The following FBRSL1 variants were observed in gnomAD, a reference collection of about 807,000 sequenced individuals.
The protein encoded by FBRSL1 is fibrosin like 1, also known as fibrosin-1-like protein.
A neutral mutation model predicts 89.6 loss-of-function variants in FBRSL1; 51 were observed. The ratio of observed to expected loss-of-function variants is 0.57; its 90% CI spans 0.45 to 0.72. The LOEUF (loss-of-function observed/expected upper bound fraction) is 0.72. Among genes scored for constraint, FBRSL1 ranks in the 30% least tolerant of loss-of-function variants. The pLI is 0.00. For synonymous variants in FBRSL1, 779 were observed against 681.1 expected (o/e 1.14, Z -2.24); for missense variants, 1,618 against 1,451.8 (o/e 1.11, Z -1.86).
At chr12:132,493,593 C>T (rs1185111814) in intron 1 of FBRSL1, among the ~76,000 whole-genome samples, 1 of 152,232 alleles carries the variant, frequency 6.6e-6, no homozygotes, top group Non-Finnish European at 1.5e-5. Flanking sequence ...GCACCCCTTG[C>T]CCTGTGCCCG....
At chr12:132,512,429 G>A (rs549287761) in intron 2 of FBRSL1, among the ~76,000 whole-genome samples, 2 of 152,354 alleles carry the variant, frequency 1.3e-5, no homozygotes, top group East Asian at 1.9e-4. Context: ...TGGCTGCAGC[G>A]CCCTGGCTGA....
intron 6 of FBRSL1, 117 bp downstream of exon 6, chr12:132,567,643 T>C: frequency 9.1e-7 from 1 of 1,095,180 alleles, no homozygotes; most frequent in Non-Finnish European, 1.3e-6. Context: ...GCACCTGGGG[T>C]GCAGAGCTGG....
chr12:132,500,162 G>A lies in FBRSL1; in HGVS notation c.292-7991G>A, dbSNP rs568539948. 2.6e-5 allele frequency among the ~76,000 whole-genome samples: 4 copies of A among 152,290 alleles called. 1 individual carries two copies. In the South Asian group the frequency reaches 8.3e-4, roughly 32 times the overall value. On this transcript the variant is annotated intron_variant, in intron 1 of 18. Transcript: ENST00000680143. ...AAGCGTCTGGGGCTGGGAGCCGCAC[G>A]CCGTGACCCTGCCCCACTGAGGCCA...
At chr12:132,510,116 C>T in intron 2 of FBRSL1, 2 of 1,225,666 alleles carry the variant, frequency 1.6e-6, no homozygotes, top group Non-Finnish European at 2.0e-6. Context: ...CGGAGCAGCC[C>T]TGCCCACCCA....
intron 2 of FBRSL1, among the ~76,000 whole-genome samples, chr12:132,514,568 C>T (rs1000288568): frequency 2.0e-5 from 3 of 152,182 alleles, no homozygotes; most frequent in Admixed American, 6.5e-5. Flanking sequence ...ACAGGCCCGG[C>T]CACGGTGCAA....
intron 4 of FBRSL1, among the ~76,000 whole-genome samples, chr12:132,536,583 TGTGA>T (rs1593390362): frequency 6.6e-6 from 1 of 151,834 alleles, no homozygotes; most frequent in South Asian, 2.1e-4. Flanking sequence ...CATCACAGTG[TGTGA>T]GTGCACGTGT....
At position 132,510,130 on chromosome 12, in the gene FBRSL1, G is replaced by A. The variant is rs913818234; in HGVS notation, c.489+1780G>A. 14 of 1,224,472 alleles carry A rather than the reference G, an allele frequency of 1.1e-5. No homozygotes were observed. In the East Asian group the frequency reaches 1.9e-4, roughly 17 times the overall value. The allele number at this position is 1,224,472 out of a possible 1,614,324, so 75.9% of individuals were successfully genotyped here. ...CCGGAGCAGCCCTGCCCACCCAAGC[G>A]GCCGCTCATGGGCCCAGAGCAGCCC... is the stretch of plus-strand genomic sequence containing the variant. On this transcript the variant is annotated intron_variant, in intron 2 of 18. Coordinates refer to ENST00000680143, the MANE Select transcript of FBRSL1 (RefSeq NM_001367871.1).
At chr12:132,490,952 G>C in intron 1 of FBRSL1, 91 bp downstream of exon 1, 1 of 999,810 alleles carries the variant, frequency 1.0e-6, no homozygotes, top group South Asian at 3.6e-5. Flanking sequence ...CTGGGCTTGC[G>C]ACCGCCCGCG....
At chr12:132,557,915 C>G (rs779871867) in intron 5 of FBRSL1, among the ~76,000 whole-genome samples, 2 of 152,164 alleles carry the variant, frequency 1.3e-5, no homozygotes, top group Non-Finnish European at 2.9e-5. Flanking sequence ...CCATCTGTGC[C>G]GAGTCCCCAG....
chr12:132,498,347 G>T (rs967780418), intron 1 of FBRSL1, among the ~76,000 whole-genome samples: 1 of 152,218 alleles, frequency 6.6e-6, no homozygotes, highest in Admixed American at 6.5e-5. Context: ...CCCTTGCAGA[G>T]GCGCCGCAGC....
Position 132,508,335 on chromosome 12 carries a change from G to T in FBRSL1, c.474G>T (p.Leu158=). ...PACDGARKVP[L]QPSKQMKVTV... ...GCGATGGGGCGAGAAAGGTCCCACT[G>T]CAGCCCTCCAAGCAGGTGAGCAGGT... The change falls in exon 2 of 19, where the codon CTG becomes CTT. Residue 158 remains leucine (L), a synonymous_variant. Coordinates refer to ENST00000680143, the MANE Select transcript of FBRSL1 (RefSeq NM_001367871.1). 1 of 1,533,134 alleles carries T rather than the reference G, an allele frequency of 6.5e-7. No individual in the cohort carries two copies. The highest frequency in any genetic ancestry group is 8.8e-7 in the Non-Finnish European group (1 of 1,139,536). The allele number at this position is 1,533,134 out of a possible 1,614,324, so 95.0% of individuals were successfully genotyped here.
rs2040960929 is a variant in FBRSL1 at position 132,583,742 on chromosome 12, C to G, written c.2973C>G (p.Ser991=). ...GGCCGGGCGAGGCGCGCGACTACTC[C>G]CCGTCCCGAAATCCCCCGGAGGTGG... The part of the protein sequence containing the change: ...GLGPGEARDY[S]PSRNPPEVEA... The change falls in exon 19 of 19, where the codon TCC becomes TCG. Residue 991 remains serine, a synonymous_variant. Transcript: ENST00000680143. The G allele has an allele frequency of 8.2e-7, 1 of 1,217,108 alleles. No individual in the cohort carries two copies. Among genetic ancestry groups the G allele is most frequent in the African/African-American group, 1.6e-5 (1 of 63,732 alleles). 75.4% of individuals were successfully genotyped at this position (1,217,108 alleles called of 1,614,324 possible).
Position 132,570,155 on chromosome 12 carries a change from C to G in FBRSL1, c.921C>G (p.Arg307=). 2.7e-6 allele frequency: 4 copies of G among 1,491,666 alleles called. No homozygotes were observed. Among genetic ancestry groups the G allele is most frequent in the Non-Finnish European group, 3.5e-6 (4 of 1,129,736 alleles). The allele number at this position is 1,491,666 out of a possible 1,614,324, so 92.4% of individuals were successfully genotyped here. A position where few individuals can be genotyped will look rare whatever the true frequency, so the allele number is the denominator to read the frequency against. ...HTPQPPPPQP[R]GLLPTHVPAS... is the part of the protein sequence containing the mutation. ...CGCAGCCGCCACCCCCGCAGCCCCGCGGCCTGCTCCCGACACACGTGCCTG... is the reference window on the plus strand; with the variant it reads ...CGCAGCCGCCACCCCCGCAGCCCCGGGGCCTGCTCCCGACACACGTGCCTG... Residue 307 remains arginine, a synonymous_variant, in exon 7 of 19, where the codon CGC becomes CGG. Transcript: ENST00000680143.
chr12:132,574,665 G>GAACA, intron 14 of FBRSL1, 101 bp downstream of exon 14: 2 of 1,384,692 alleles, frequency 1.4e-6, no homozygotes, highest in Non-Finnish European at 1.9e-6. Flanking sequence ...ACACGCGTGT[G>GAACA]CACGGGTGTG....
intron 2 of FBRSL1, among the ~76,000 whole-genome samples, chr12:132,516,853 C>T (rs550076357): frequency 6.6e-6 from 1 of 152,344 alleles, no homozygotes. Context: ...CTCAGTTTTC[C>T]TGTCTGTAAA....
At chr12:132,552,675 A>T (rs1342819596) in intron 5 of FBRSL1, 1 of 135,392 alleles carries the variant, frequency 7.4e-6, no homozygotes, top group Non-Finnish European at 1.5e-5. Context: ...TCCATGGGGC[A>T]CTCACCCCGT....
chr12:132,559,602 A>G (rs759731648), intron 5 of FBRSL1, among the ~76,000 whole-genome samples: 2 of 151,582 alleles, frequency 1.3e-5, no homozygotes, highest in African/African-American at 2.4e-5. Context: ...GGGTCTTCCT[A>G]TGTTGGCCAG....
At chr12:132,514,114 C>T (rs535422273) in intron 2 of FBRSL1, among the ~76,000 whole-genome samples, 7 of 152,318 alleles carry the variant, frequency 4.6e-5, no homozygotes, top group African/African-American at 7.2e-5. Context: ...CGATGAGCTC[C>T]GCCTCTGTTC....
At chr12:132,547,327 G>A (rs1259904011) in intron 4 of FBRSL1, among the ~76,000 whole-genome samples, 2 of 151,676 alleles carry the variant, frequency 1.3e-5, no homozygotes, top group Non-Finnish European at 2.9e-5. Context: ...TGTGTTCTTT[G>A]TAGGGCTCTG....
Sources: gnomAD v4.1 joint callset for allele counts (sites outside exome capture counted in the v4.1 genomes callset) on GRCh38, gnomAD v4.1.1 for gene constraint, MANE v1.5 for transcripts, NCBI Gene and HGNC (gene_info 2026-07-23, HGNC 2026-07-21) for gene names.